The following CDC42BPA variants were observed in gnomAD, a reference collection of about 807,000 sequenced individuals.
The protein encoded by CDC42BPA is serine/threonine-protein kinase MRCK alpha.
A neutral mutation model predicts 223.5 loss-of-function variants in CDC42BPA; 80 were observed. That is an observed-to-expected ratio of 0.36 (90% CI 0.30 to 0.43). The LOEUF (loss-of-function observed/expected upper bound fraction) is 0.43, where lower values mean the gene tolerates loss of function less well. CDC42BPA is among the 20% of genes least tolerant of loss of function. The pLI is 1.00. For missense variants in CDC42BPA, 1,743 were observed against 2,099.9 expected, an observed-to-expected ratio of 0.83 and a Z score of 3.32; for synonymous variants, 694 against 718.6, an observed-to-expected ratio of 0.97 and a Z score of 0.55.
At chr1:227,078,013 T>G (rs780018607) in intron 17 of CDC42BPA, among the ~76,000 whole-genome samples, 2 of 152,178 alleles carry the variant, frequency 1.3e-5, no homozygotes, top group Non-Finnish European at 2.9e-5. Context: ...TTAACACCAT[T>G]ACCTTTGAAA....
intron 7 of CDC42BPA, 52 bp from the exon 8 acceptor site, chr1:227,145,789 G>A (rs1660599728): frequency 2.8e-6 from 4 of 1,410,546 alleles, no homozygotes; most frequent in African/African-American, 1.5e-5. Context: ...AACATACTAA[G>A]TAGTTGGTTG....
intron 2 of CDC42BPA, among the ~76,000 whole-genome samples, chr1:227,235,789 TCC>T (rs1558833962): frequency 3.3e-5 from 5 of 152,008 alleles, no homozygotes; most frequent in African/African-American, 7.3e-5. Context: ...CCAGAGCATC[TCC>T]AGAGAGTAAA....
rs866630640 is a variant in CDC42BPA, at chr1:227,303,020, T to C, written c.178+13985A>G. On this transcript the variant is annotated intron_variant, in intron 1 of 36. Coordinates refer to ENST00000366766, the MANE Select transcript of CDC42BPA (RefSeq NM_001394014.1). Reference sequence around the variant, plus strand: ...TGGTTTTTTTGGGTTTTTTTTTTTTTTCGAAGTTATGCTTTCCCTGAAAAG... The same window carrying C: ...TGGTTTTTTTGGGTTTTTTTTTTTTCTCGAAGTTATGCTTTCCCTGAAAAG... 1.1e-4 allele frequency among the ~76,000 whole-genome samples: 17 copies of C among 151,934 alleles called. 1 individual carries two copies. The highest frequency in any genetic ancestry group is 4.1e-4 in the African/African-American group (17 of 41,536).
intron 15 of CDC42BPA, among the ~76,000 whole-genome samples, chr1:227,097,796 T>G (rs1461539424): frequency 6.6e-6 from 1 of 152,212 alleles, no homozygotes; most frequent in Non-Finnish European, 1.5e-5. Context: ...ACACTGTGCA[T>G]GCAGCCCCTC....
chr1:227,048,105 A>G (rs1672824738), intron 22 of CDC42BPA, 95 bp from the exon 23 acceptor site: 2 of 677,430 alleles, frequency 3.0e-6, no homozygotes, highest in Non-Finnish European at 4.9e-6. Flanking sequence ...AAAACAAAAC[A>G]TCAATAAGGC....
At chr1:227,256,292 A>G (rs1683011795) in intron 1 of CDC42BPA, among the ~76,000 whole-genome samples, 1 of 152,078 alleles carries the variant, frequency 6.6e-6, no homozygotes, top group Non-Finnish European at 1.5e-5. Flanking sequence ...GGACACAGGG[A>G]GGGGCACATC....
rs540449076 is a variant in CDC42BPA at position 227,276,440 on chromosome 1, G to A, written c.179-22285C>T. Among the ~76,000 whole-genome samples the A allele has an allele frequency of 5.0e-3, 761 of 152,102 alleles. 5 individuals carry two copies. Among genetic ancestry groups the A allele is most frequent in the African/African-American group, 0.017 (710 of 41,540 alleles). On this transcript the variant is annotated intron_variant, in intron 1 of 36. Transcript: ENST00000366766. ...TCTCCGCCTGGCAGCTGCCCCGTCC[G>A]GGAGGGAGGTCGGGGGGCAGCCCCC...
intron 1 of CDC42BPA, among the ~76,000 whole-genome samples, chr1:227,270,082 C>A (rs973589485): frequency 3.3e-5 from 5 of 152,048 alleles, no homozygotes; most frequent in Non-Finnish European, 5.9e-5. Flanking sequence ...AAACACTATA[C>A]CCACATATAT....
At chr1:227,298,961 G>A (rs1691174775) in intron 1 of CDC42BPA, among the ~76,000 whole-genome samples, 1 of 152,160 alleles carries the variant, frequency 6.6e-6, no homozygotes, top group Non-Finnish European at 1.5e-5. Context: ...CTAGAGGCTG[G>A]TAACTTTCAC....
At chr1:227,106,529 T>C (rs1186280027) in intron 14 of CDC42BPA, among the ~76,000 whole-genome samples, 1 of 152,208 alleles carries the variant, frequency 6.6e-6, no homozygotes, top group Admixed American at 6.5e-5. Flanking sequence ...GATTTTTTTG[T>C]CTGGCTCTGG....
At chr1:227,147,605 A>T (rs1240348116) in intron 6 of CDC42BPA, 46 bp from the exon 7 acceptor site, 2 of 1,050,514 alleles carry the variant, frequency 1.9e-6, no homozygotes, top group Admixed American at 2.8e-5. Context: ...TAGAAATAAA[A>T]TATTTTAAAT....
At chr1:227,072,915 T>C (rs1678701759) in intron 19 of CDC42BPA, among the ~76,000 whole-genome samples, 2 of 152,184 alleles carry the variant, frequency 1.3e-5, no homozygotes, top group South Asian at 4.1e-4. Flanking sequence ...CCAGAAAAAG[T>C]TTTCCCCTCC....
intron 31 of CDC42BPA, among the ~76,000 whole-genome samples, chr1:227,024,815 C>T (rs61834038): frequency 0.22 from 33,613 of 152,048 alleles, 4,058 homozygotes; most frequent in African/African-American, 0.28. Context: ...CACAACATGA[C>T]GCAGTTTGCA....
At chr1:227,151,055 G>A (rs1319493706) in intron 6 of CDC42BPA, among the ~76,000 whole-genome samples, 1 of 151,884 alleles carries the variant, frequency 6.6e-6, no homozygotes, top group Non-Finnish European at 1.5e-5. Flanking sequence ...CAGTTCAATG[G>A]CATAAGTACC....
rs16847481 is a variant in CDC42BPA at position 227,224,616 on chromosome 1, T to C, written c.271-11397A>G. 2.2e-3 allele frequency among the ~76,000 whole-genome samples: 337 copies of C among 152,250 alleles called. 9 individuals carry two copies. The East Asian group carries it at 0.046, about 21-fold the overall frequency. On this transcript the variant is annotated intron_variant, in intron 2 of 36. Transcript: ENST00000366766. ...GACTGCTCACTGCTCTCTGAATAAA[T>C]AGAAATGTACTTAAAAGAAAAAAAA...
intron 12 of CDC42BPA, among the ~76,000 whole-genome samples, chr1:227,113,995 G>A (rs1359866416): frequency 3.1e-5 from 4 of 128,388 alleles, no homozygotes; most frequent in Non-Finnish European, 6.4e-5. Context: ...TCTAGCTTGG[G>A]CAATACAGTG....
chr1:227,025,760 A>G (rs559373489), intron 31 of CDC42BPA, among the ~76,000 whole-genome samples: 2 of 152,264 alleles, frequency 1.3e-5, no homozygotes, highest in African/African-American at 4.8e-5. Flanking sequence ...CCTTAATCCA[A>G]AAGTAGAAGA....
chr1:227,000,573 CAGGACTTT>C (rs1662611459), intron 35 of CDC42BPA, among the ~76,000 whole-genome samples: 1 of 152,112 alleles, frequency 6.6e-6, no homozygotes, highest in Non-Finnish European at 1.5e-5. Flanking sequence ...TTCTACCTTA[CAGGACTTT>C]GTGGGAACAA....
At chr1:227,223,680 C>T (rs1285680586) in intron 2 of CDC42BPA, among the ~76,000 whole-genome samples, 2 of 152,200 alleles carry the variant, frequency 1.3e-5, no homozygotes, top group African/African-American at 4.8e-5. Flanking sequence ...TCACTATTAC[C>T]TTTCTAGAAG....
Sources: allele counts gnomAD v4.1 joint callset (sites outside exome capture counted in the v4.1 genomes callset), GRCh38; gene constraint gnomAD v4.1.1; transcripts MANE v1.5; gene names NCBI Gene and HGNC (gene_info 2026-07-23, HGNC 2026-07-21).